The following LRR1 variants were observed in gnomAD, a reference collection of about 807,000 sequenced individuals.
LRR1 encodes leucine-rich repeat protein 1.
In LRR1, 29 loss-of-function variants were observed where a neutral mutation model predicts 31.6. The ratio of observed to expected loss-of-function variants is 0.92; its 90% CI spans 0.68 to 1.25. LRR1 has a LOEUF of 1.25. LRR1 is among the 50% of genes most tolerant of loss of function. LRR1 has a pLI of 0.00. For synonymous variants in LRR1, 179 were observed against 181.4 expected (o/e 0.99, Z 0.10); for missense variants, 485 against 487.2 (o/e 1.00, Z 0.04).
chr14:49,614,442 C>T lies in LRR1; in HGVS notation c.1191C>T (p.Ile397=), dbSNP rs1882625445. The T allele has an allele frequency of 3.1e-6, 5 of 1,613,950 alleles. No homozygotes were observed. Among genetic ancestry groups the T allele is most frequent in the Non-Finnish European group, 3.4e-6 (4 of 1,179,920 alleles). Residue 397 remains isoleucine, a synonymous_variant, in exon 4 of 4, where the codon ATC becomes ATT. Coordinates refer to ENST00000298288, the MANE Select transcript of LRR1 (RefSeq NM_152329.4). ...DNLGGTEAPI[I]SYFCSLGCYV... The stretch of plus-strand genomic sequence containing the variant: ...TGGGTGGTACTGAAGCACCTATTAT[C>T]TCTTATTTCTGTTCTCTAGGCTGTT...
chr14:49,605,019 C>A (rs1334570720), intron 2 of LRR1, among the ~76,000 whole-genome samples: 1 of 152,002 alleles, frequency 6.6e-6, no homozygotes, highest in African/African-American at 2.4e-5. Flanking sequence ...TCTCAGCCTC[C>A]CAAGTAACTG....
In LRR1 at chr14:49,607,582, C is replaced by A. The variant is rs1205455777; in HGVS notation, c.465C>A (p.Ser155=). Residue 155 remains serine, a synonymous_variant, in exon 3 of 4, where the codon TCC becomes TCA. Transcript: ENST00000298288. ...CTCTAAGTAAGAATTTTCCATATTC[C>A]TTGGAACATCTTCAGACTTCTTACT... ...DYPLSKNFPY[S]LEHLQTSYCG... 9.3e-6 allele frequency: 15 copies of A among 1,614,042 alleles called. No homozygotes were observed. Among genetic ancestry groups the A allele is most frequent in the Non-Finnish European group, 1.2e-5 (14 of 1,180,014 alleles).
chr14:49,609,774 C>T (rs891817157), intron 3 of LRR1, among the ~76,000 whole-genome samples: 2 of 151,594 alleles, frequency 1.3e-5, no homozygotes, highest in Non-Finnish European at 2.9e-5. Flanking sequence ...GGCATGATCT[C>T]GGCTCAACTA....
intron 3 of LRR1, among the ~76,000 whole-genome samples, chr14:49,610,850 C>T (rs1882486650): frequency 6.6e-6 from 1 of 152,182 alleles, no homozygotes; most frequent in Non-Finnish European, 1.5e-5. Context: ...ACATGAGCCA[C>T]CACACCCAGC....
rs1882325973 is a variant in LRR1, at chr14:49,607,433, G to A, written c.316G>A (p.Ala106Thr). The A allele has an allele frequency of 1.3e-6, 2 of 1,591,936 alleles. No individual in the cohort carries two copies. The highest frequency in any genetic ancestry group is 1.7e-6 in the Non-Finnish European group (2 of 1,171,502). The change falls in exon 3 of 4, where the codon GCT becomes ACT. Residue 106 changes from alanine to threonine, a missense_variant. By Grantham distance (58) the Ala-to-Thr change is moderately conservative (BLOSUM62 0). Transcript: ENST00000298288. ...ISSSLKGFLS[A>T]MRLAHRGCNV... is the part of the protein sequence containing the mutation. ...CAGCAGTTTAAAAGGTTTCCTTTCA[G>A]CTATGAGACTGGCTCATAGAGGCTG...
rs756482784 is a variant in LRR1 at position 49,602,606 on chromosome 14, C to T, written c.282+138C>T. On this transcript the variant is annotated intron_variant, in intron 2 of 3. Coordinates refer to ENST00000298288, the MANE Select transcript of LRR1 (RefSeq NM_152329.4). ...ACTGCATCAAACACCTAGGCTCAAGCGAGCCTCCTGAATATCTGGGACTAA... is the reference window on the plus strand; with the variant it reads ...ACTGCATCAAACACCTAGGCTCAAGTGAGCCTCCTGAATATCTGGGACTAA... 7 of 652,498 alleles carry T rather than the reference C, an allele frequency of 1.1e-5. No homozygotes were observed. The African/African-American group carries it at 1.1e-4, about 10-fold the overall frequency. The allele number at this position is 652,498 out of a possible 1,614,324, so 40.4% of individuals were successfully genotyped here. A position where few individuals can be genotyped will look rare whatever the true frequency, so the allele number is the denominator to read the frequency against.
chr14:49,600,151 G>C, intron 1 of LRR1: 1 of 1,513,430 alleles, frequency 6.6e-7, no homozygotes, highest in South Asian at 1.1e-5. Flanking sequence ...GTCACCGTGG[G>C]GGGCAAGCAG....
rs1881933821 is a variant in LRR1, at chr14:49,599,146, G to C, written c.126G>C (p.Pro42=). ...AGCAGACTTCCAGGAGTCAGCCGCC[G>C]GTCCGAGCCTTCCTGCTCATCTCCA... ...LCQQTSRSQP[P]VRAFLLISTL... Residue 42 remains proline (P), a synonymous_variant, in exon 1 of 4, where the codon CCG becomes CCC. Transcript: ENST00000298288. 2 of 1,608,900 alleles carry C rather than the reference G, an allele frequency of 1.2e-6. No individual in the cohort carries two copies. The highest frequency in any genetic ancestry group is 1.7e-6 in the Non-Finnish European group (2 of 1,177,964).
intron 3 of LRR1, among the ~76,000 whole-genome samples, chr14:49,613,351 A>AG (rs1391082406): frequency 6.6e-6 from 1 of 151,720 alleles, no homozygotes; most frequent in Non-Finnish European, 1.5e-5. Context: ...AAAAAAAAAA[A>AG]AAAATTAGCC....
intron 1 of LRR1, chr14:49,600,689 C>G: frequency 1.6e-6 from 2 of 1,221,566 alleles, no homozygotes; most frequent in Non-Finnish European, 2.3e-6. Flanking sequence ...ATACCCAGAC[C>G]TTTTATAGGT....
rs745529063 is a variant in LRR1, at chr14:49,614,251, A to G, written c.1005-5A>G. ...ATAAAATATTTTTATCATTCTTTCCAATAGGATTCCATATGGCTCTCATAT... is the reference window on the plus strand; with the variant it reads ...ATAAAATATTTTTATCATTCTTTCCGATAGGATTCCATATGGCTCTCATAT... On this transcript the variant is annotated splice_region_variant and splice_polypyrimidine_tract_variant and intron_variant, in intron 3 of 3. Coordinates refer to ENST00000298288, the MANE Select transcript of LRR1 (RefSeq NM_152329.4). The G allele has an allele frequency of 1.5e-5, 24 of 1,609,606 alleles. No homozygotes were observed. The highest frequency in any genetic ancestry group is 2.0e-5 in the Non-Finnish European group (24 of 1,178,262).
rs1881922657 is a variant in LRR1, at chr14:49,599,002, G to T, written c.-19G>T. On this transcript the variant is annotated 5_prime_UTR_variant, in exon 1 of 4. Coordinates refer to ENST00000298288, the MANE Select transcript of LRR1 (RefSeq NM_152329.4). ...GAAGTTTCAAAGCCAGCTTGACGTG[G>T]TTGTGGCCGTTGGGCGAGATGAAGC... 6.3e-7 allele frequency: 1 copy of T among 1,598,584 alleles called. No homozygotes were observed. The highest frequency in any genetic ancestry group is 8.5e-7 in the Non-Finnish European group (1 of 1,171,802).
At chr14:49,613,827 A>C (rs1314063524) in intron 3 of LRR1, among the ~76,000 whole-genome samples, 1 of 152,186 alleles carries the variant, frequency 6.6e-6, no homozygotes, top group Non-Finnish European at 1.5e-5. Context: ...AGTAAAAATC[A>C]AAAGTTTGAC....
At chr14:49,608,945 G>A (rs949059825) in intron 3 of LRR1, among the ~76,000 whole-genome samples, 4 of 113,010 alleles carry the variant, frequency 3.5e-5, no homozygotes, top group African/African-American at 1.4e-4. Flanking sequence ...GTCTCACTCT[G>A]TCGCCCAGGC....
intron 1 of LRR1, chr14:49,599,870 G>A (rs1382319158): frequency 7.9e-6 from 4 of 507,608 alleles, no homozygotes; most frequent in South Asian, 9.0e-5. Flanking sequence ...GGGCCGGGGG[G>A]GCGGCCCCGC....
intron 3 of LRR1, chr14:49,612,531 T>C: frequency 8.1e-7 from 1 of 1,232,902 alleles, no homozygotes; most frequent in Non-Finnish European, 1.0e-6. Context: ...GGCAGAGTTT[T>C]TTAAAAAATG....
At chr14:49,610,355 G>A (rs1566497001) in intron 3 of LRR1, among the ~76,000 whole-genome samples, 1 of 149,438 alleles carries the variant, frequency 6.7e-6, no homozygotes, top group East Asian at 2.0e-4. Context: ...CTGGGTTCAA[G>A]TGATTCTCCT....
chr14:49,612,391 C>A, intron 3 of LRR1: 1 of 1,014,110 alleles, frequency 9.9e-7, no homozygotes, highest in Non-Finnish European at 1.2e-6. Context: ...CAGTTATGAT[C>A]TATTAGGAAA....
chr14:49,608,255 G>C (rs1441812762), intron 3 of LRR1, 134 bp downstream of exon 3: 15 of 917,892 alleles, frequency 1.6e-5, no homozygotes, highest in East Asian at 2.7e-5. Context: ...TGGTCTTCTT[G>C]TTCCTTACCT....
Sources: gnomAD v4.1 joint callset for allele counts (sites outside exome capture counted in the v4.1 genomes callset) on GRCh38, gnomAD v4.1.1 for gene constraint, MANE v1.5 for transcripts, NCBI Gene and HGNC (gene_info 2026-07-23, HGNC 2026-07-21) for gene names.